Variants in CDH8 observed in about 807,000 individuals in gnomAD.
The protein encoded by CDH8 is cadherin-8.
A neutral mutation model predicts 68.1 loss-of-function variants in CDH8; 17 were observed. The ratio of observed to expected loss-of-function variants is 0.25; its 90% confidence interval spans 0.17 to 0.37. The LOEUF is 0.37. CDH8 is among the 10% of genes least tolerant of loss of function. The pLI is 1.00. For synonymous variants in CDH8, 372 were observed against 365.1 expected, an observed-to-expected ratio of 1.02 and a Z score of -0.21; for missense variants, 763 against 999.3, an observed-to-expected ratio of 0.76 and a Z score of 3.19.
intron 2 of CDH8, among the ~76,000 whole-genome samples, chr16:61,962,487 A>G (rs1965173415): frequency 1.3e-5 from 2 of 152,184 alleles, no homozygotes; most frequent in Non-Finnish European, 1.5e-5. Context: ...CTGTACCATC[A>G]CATGATCTGC....
At chr16:61,751,382 T>TAAAAAAAAAAA (rs71134375) in intron 8 of CDH8, among the ~76,000 whole-genome samples, 12 of 54,150 alleles carry the variant, frequency 2.2e-4, no homozygotes, top group South Asian at 1.1e-3. Flanking sequence ...ATATTCTCCT[T>TAAAAAAAAAAA]AAAAAAAAAA....
At chr16:61,808,287 C>T (rs1272263537) in intron 7 of CDH8, among the ~76,000 whole-genome samples, 1 of 152,028 alleles carries the variant, frequency 6.6e-6, no homozygotes, top group Non-Finnish European at 1.5e-5. Flanking sequence ...CAGTCAACAG[C>T]CTCAATTCCA....
chr16:61,969,945 A>G (rs1487716954), intron 2 of CDH8, among the ~76,000 whole-genome samples: 1 of 152,218 alleles, frequency 6.6e-6, no homozygotes, highest in Non-Finnish European at 1.5e-5. Flanking sequence ...AGTTTGAAAT[A>G]CTATAATAAT....
intron 2 of CDH8, among the ~76,000 whole-genome samples, chr16:61,959,600 A>G (rs371391575): frequency 3.6e-4 from 53 of 148,916 alleles, no homozygotes; most frequent in East Asian, 2.0e-3. Context: ...GTGTGTGTGT[A>G]TATATATATA....
intron 10 of CDH8, among the ~76,000 whole-genome samples, chr16:61,668,551 T>G (rs1421719866): frequency 1.3e-5 from 2 of 152,054 alleles, no homozygotes; most frequent in Non-Finnish European, 2.9e-5. Context: ...TCTATTGTGT[T>G]TGAATGAAAA....
chr16:61,968,800 C>T (rs1035656062), intron 2 of CDH8, among the ~76,000 whole-genome samples: 3 of 152,284 alleles, frequency 2.0e-5, no homozygotes, highest in Middle Eastern at 3.4e-3. Context: ...GGGAGTTTGC[C>T]GATCACAAGC....
chr16:61,947,143 C>T lies in CDH8; in HGVS notation c.253-45670G>A, dbSNP rs574847959. ...CACAAACAGTACCAAAACAACTTCA[C>T]CCCATTATTTAATTCTATACATGAA... On this transcript the variant is annotated intron_variant, in intron 2 of 11. Coordinates refer to ENST00000577390, the MANE Select transcript of CDH8 (RefSeq NM_001796.5). Among the ~76,000 whole-genome samples, 22 of 152,010 alleles carry T rather than the reference C, an allele frequency of 1.4e-4. 1 individual carries two copies. In the South Asian group the frequency reaches 4.4e-3, roughly 30 times the overall value.
At chr16:61,998,383 G>A (rs1965841826) in intron 2 of CDH8, among the ~76,000 whole-genome samples, 1 of 152,128 alleles carries the variant, frequency 6.6e-6, no homozygotes, top group Non-Finnish European at 1.5e-5. Context: ...TTTGACAGGT[G>A]AGTAAATGGA....
intron 4 of CDH8, among the ~76,000 whole-genome samples, chr16:61,833,393 G>A (rs1471244240): frequency 6.6e-6 from 1 of 151,604 alleles, no homozygotes; most frequent in African/African-American, 2.4e-5. Context: ...CTTTATAAAT[G>A]TATACACACA....
In CDH8 at chr16:61,665,084, T is replaced by C. The variant is rs140610068; in HGVS notation, c.1655-9363A>G. Reference sequence around the variant, plus strand: ...GAGATGGGGCCTCTACAGAAGTAATTAAGGTTACATAAGGTCATAATGGTG... The same window carrying C: ...GAGATGGGGCCTCTACAGAAGTAATCAAGGTTACATAAGGTCATAATGGTG... On this transcript the variant is annotated intron_variant, in intron 10 of 11. Coordinates refer to ENST00000577390, the MANE Select transcript of CDH8 (RefSeq NM_001796.5). Among the ~76,000 whole-genome samples the C allele has an allele frequency of 1.3e-4, 20 of 152,026 alleles. 1 individual carries two copies. The East Asian group carries it at 2.9e-3, about 22-fold the overall frequency.
At position 61,945,086 on chromosome 16, in the gene CDH8, A is replaced by G. The variant is rs151047376; in HGVS notation, c.253-43613T>C. 7.3e-3 allele frequency among the ~76,000 whole-genome samples: 1,110 copies of G among 152,286 alleles called. 13 individuals carry two copies. The highest frequency in any genetic ancestry group is 0.025 in the African/African-American group (1,041 of 41,568). ...CCTTACCATCAGCACTTTAGTGAGGAGAACATTTGGCTTTTGAGTCTGACA... is the reference window on the plus strand; with the variant it reads ...CCTTACCATCAGCACTTTAGTGAGGGGAACATTTGGCTTTTGAGTCTGACA... On this transcript the variant is annotated intron_variant, in intron 2 of 11. Coordinates refer to ENST00000577390, the MANE Select transcript of CDH8 (RefSeq NM_001796.5).
intron 2 of CDH8, among the ~76,000 whole-genome samples, chr16:61,944,077 G>A (rs1262255171): frequency 2.0e-5 from 3 of 152,174 alleles, no homozygotes; most frequent in African/African-American, 7.2e-5. Context: ...TGTCTTTTGG[G>A]CAAGCTACTT....
rs1298326552 is a variant in CDH8 at position 61,816,223 on chromosome 16, T to C, written c.1277+1256A>G. 5.3e-5 allele frequency among the ~76,000 whole-genome samples: 8 copies of C among 152,064 alleles called. No individual in the cohort carries two copies. In the East Asian group the frequency reaches 1.5e-3, roughly 29 times the overall value. ...TCTGAATTTAGAAATGATTTGTACT[T>C]AAAAACAAAAAGTGCTCTTCTGGGT... On this transcript the variant is annotated intron_variant, in intron 7 of 11. Transcript: ENST00000577390.
chr16:61,905,827 G>T (rs1421684353), intron 2 of CDH8, among the ~76,000 whole-genome samples: 1 of 152,022 alleles, frequency 6.6e-6, no homozygotes, highest in African/African-American at 2.4e-5. Context: ...CCCCGGAGGT[G>T]GAGGTTGCAG....
chr16:61,748,138 G>C (rs1960068905), intron 8 of CDH8, among the ~76,000 whole-genome samples: 1 of 151,836 alleles, frequency 6.6e-6, no homozygotes. Flanking sequence ...GTCTCAGTCA[G>C]TACAACCAAA....
intron 2 of CDH8, among the ~76,000 whole-genome samples, chr16:61,987,363 T>G: frequency 6.6e-6 from 1 of 151,884 alleles, no homozygotes; most frequent in South Asian, 2.1e-4. Context: ...AAAAATTAGC[T>G]GGGCATGGTG....
chr16:61,928,650 A>G (rs550873457), intron 2 of CDH8, among the ~76,000 whole-genome samples: 3 of 152,282 alleles, frequency 2.0e-5, no homozygotes, highest in African/African-American at 7.2e-5. Flanking sequence ...CATTATTTTA[A>G]ATGAGCAAAT....
chr16:61,781,516 G>T (rs2142992317), intron 8 of CDH8, among the ~76,000 whole-genome samples: 1 of 152,304 alleles, frequency 6.6e-6, no homozygotes, highest in Admixed American at 6.5e-5. Context: ...AGATGCTAGG[G>T]AGTCTAAAGC....
At chr16:61,860,655 G>GTAA (rs1222757946) in intron 3 of CDH8, among the ~76,000 whole-genome samples, 1 of 151,650 alleles carries the variant, frequency 6.6e-6, no homozygotes. Flanking sequence ...AAGTCAAGAT[G>GTAA]TAATATTCAG....
Sources: allele counts gnomAD v4.1 joint callset (sites outside exome capture counted in the v4.1 genomes callset), GRCh38; gene constraint gnomAD v4.1.1; transcripts MANE v1.5; gene names NCBI Gene and HGNC (gene_info 2026-07-23, HGNC 2026-07-21).